Variants in GRIA4 observed in about 807,000 individuals in gnomAD.
GRIA4 encodes the protein glutamate receptor 4.
GRIA4 carries 34 observed loss-of-function variants against 104.0 expected under a neutral mutation model. The ratio of observed to expected loss-of-function variants is 0.33; its 90% confidence interval spans 0.25 to 0.44. The LOEUF is 0.44. Among genes scored for constraint, GRIA4 ranks in the 20% least tolerant of loss-of-function variants. The pLI is 1.00. For synonymous variants in GRIA4, 386 were observed against 381.9 expected (o/e 1.01, Z -0.13); for missense variants, 750 against 1,096.5 (o/e 0.68, Z 4.46).
chr11:105,977,582 A>G (rs1020421193), intron 16 of GRIA4, among the ~76,000 whole-genome samples: 14 of 152,040 alleles, frequency 9.2e-5, no homozygotes, highest in African/African-American at 3.4e-4. Flanking sequence ...CACTCACTAA[A>G]GGGTTCTGAC....
At chr11:105,830,728 G>C (rs1308373357) in intron 4 of GRIA4, among the ~76,000 whole-genome samples, 1 of 151,998 alleles carries the variant, frequency 6.6e-6, no homozygotes. Flanking sequence ...TAAAAGGATA[G>C]GCAGAAGCCT....
At chr11:105,657,237 G>C (rs1252891516) in intron 3 of GRIA4, among the ~76,000 whole-genome samples, 1 of 151,832 alleles carries the variant, frequency 6.6e-6, no homozygotes, top group Non-Finnish European at 1.5e-5. Flanking sequence ...GCTTTTCTCA[G>C]CCATTTTATC....
At chr11:105,687,719 T>G (rs1358088939) in intron 3 of GRIA4, among the ~76,000 whole-genome samples, 2 of 152,162 alleles carry the variant, frequency 1.3e-5, no homozygotes, top group Non-Finnish European at 2.9e-5. Context: ...GAGATACCAG[T>G]GCAGATGCGG....
chr11:105,697,783 T>A (rs1049032681), intron 3 of GRIA4, among the ~76,000 whole-genome samples: 1 of 152,096 alleles, frequency 6.6e-6, no homozygotes. Context: ...TATGCCAACA[T>A]GTCGTTTTCT....
chr11:105,924,637 A>T lies in GRIA4; in HGVS notation c.1715A>T (p.Glu572Val). 1 of 1,613,034 alleles carries T rather than the reference A, an allele frequency of 6.2e-7. No individual in the cohort carries two copies. The highest frequency in any genetic ancestry group is 8.5e-7 in the Non-Finnish European group (1 of 1,179,350). ...LFLVSRFSPY[E>V]WHTEEPEDGK... ...CTAGTTAGTAGATTTAGTCCATATG[A>T]GTGGCACACAGAAGAGCCAGAGGAC... Residue 572 changes from glutamate (E) to valine (V), a missense_variant, in exon 12 of 17, where the codon GAG (glutamate) becomes GTG (valine). Glu to Val is a moderately radical substitution (Grantham distance 121, BLOSUM62 -2). Around this residue, in one of 3 missense-constraint regions of GRIA4, gnomAD observed 272 missense variants for 524.5 expected, o/e 0.52. Coordinates refer to ENST00000282499, the MANE Select transcript of GRIA4 (RefSeq NM_000829.4).
intron 3 of GRIA4, among the ~76,000 whole-genome samples, chr11:105,721,653 A>T (rs1458359499): frequency 6.6e-6 from 1 of 152,206 alleles, no homozygotes; most frequent in Non-Finnish European, 1.5e-5. Flanking sequence ...CAGAACAGAA[A>T]AACTTAATTA....
chr11:105,977,211 C>T (rs1859023603), intron 16 of GRIA4, among the ~76,000 whole-genome samples: 1 of 151,936 alleles, frequency 6.6e-6, no homozygotes, highest in Admixed American at 6.6e-5. Context: ...GTCTATTTTA[C>T]TTAACATTAA....
At chr11:105,953,654 T>C (rs1026814698) in intron 14 of GRIA4, among the ~76,000 whole-genome samples, 1 of 151,562 alleles carries the variant, frequency 6.6e-6, no homozygotes, top group African/African-American at 2.4e-5. Context: ...CACATATATA[T>C]ACATACATAC....
At chr11:105,681,607 G>A (rs1952712534) in intron 3 of GRIA4, among the ~76,000 whole-genome samples, 1 of 152,148 alleles carries the variant, frequency 6.6e-6, no homozygotes, top group Non-Finnish European at 1.5e-5. Context: ...TCTGAATTGA[G>A]ATGTTCTGTA....
chr11:105,794,473 GTATATATATATATATATATATATATA>G (rs71041629), intron 4 of GRIA4, among the ~76,000 whole-genome samples: 9 of 43,920 alleles, frequency 2.0e-4, no homozygotes, highest in Non-Finnish European at 3.6e-4. Flanking sequence ...GTATATGTAT[GTATATATATATATATATATATATATA>G]TATATATATA....
chr11:105,908,058 A>G (rs1947106807), intron 9 of GRIA4, among the ~76,000 whole-genome samples: 1 of 152,152 alleles, frequency 6.6e-6, no homozygotes, highest in South Asian at 2.1e-4. Flanking sequence ...GGTCTGATCA[A>G]AGCAGCTCTC....
intron 3 of GRIA4, among the ~76,000 whole-genome samples, chr11:105,637,924 A>C (rs757359655): frequency 1.3e-4 from 20 of 152,150 alleles, no homozygotes; most frequent in Admixed American, 2.6e-4. Context: ...AGATAATCTG[A>C]GTCTAAATTC....
At chr11:105,848,904 G>A (rs1338101695) in intron 4 of GRIA4, among the ~76,000 whole-genome samples, 3 of 152,212 alleles carry the variant, frequency 2.0e-5, no homozygotes, top group Non-Finnish European at 2.9e-5. Flanking sequence ...TCACCCCCAC[G>A]TCGACCTGGC....
intron 5 of GRIA4, among the ~76,000 whole-genome samples, chr11:105,874,325 T>C (rs1454451090): frequency 6.6e-6 from 1 of 152,218 alleles, no homozygotes; most frequent in African/African-American, 2.4e-5. Flanking sequence ...CATAGCTTTG[T>C]AGTATAGTTT....
At chr11:105,744,395 A>C (rs1350435243) in intron 3 of GRIA4, among the ~76,000 whole-genome samples, 1 of 152,132 alleles carries the variant, frequency 6.6e-6, no homozygotes, top group East Asian at 1.9e-4. Flanking sequence ...ATACAACCTT[A>C]AACAATTTGC....
intron 3 of GRIA4, 38 bp from the exon 4 acceptor site, chr11:105,752,943 T>A (rs1940089896): frequency 6.3e-7 from 1 of 1,597,486 alleles, no homozygotes; most frequent in East Asian, 2.2e-5. Context: ...AATTTGAGTG[T>A]GCTAATAGTT....
At chr11:105,708,584 A>G (rs191261805) in intron 3 of GRIA4, among the ~76,000 whole-genome samples, 1 of 152,200 alleles carries the variant, frequency 6.6e-6, no homozygotes, top group East Asian at 1.9e-4. Context: ...ATTATTTGAT[A>G]TTTTGATTGG....
intron 5 of GRIA4, among the ~76,000 whole-genome samples, chr11:105,863,535 A>G (rs1166665394): frequency 2.6e-5 from 4 of 152,142 alleles, no homozygotes; most frequent in African/African-American, 9.7e-5. Flanking sequence ...AAATTTTTAA[A>G]TGGTTAGTTA....
intron 3 of GRIA4, among the ~76,000 whole-genome samples, chr11:105,618,643 G>A (rs2135263633): frequency 6.6e-6 from 1 of 152,134 alleles, no homozygotes; most frequent in East Asian, 1.9e-4. Flanking sequence ...ATTTTGAGGT[G>A]TTAAAAATAC....
Sources: allele counts gnomAD v4.1 joint callset (sites outside exome capture counted in the v4.1 genomes callset), GRCh38; gene constraint gnomAD v4.1.1; regional missense constraint gnomAD v4.1.1; transcripts MANE v1.5; gene names NCBI Gene and HGNC (gene_info 2026-07-23, HGNC 2026-07-21).